Variants in MGAT4C observed in about 807,000 individuals in gnomAD.
MGAT4C encodes the protein alpha-1,3-mannosyl-glycoprotein 4-beta-N-acetylglucosaminyltransferase C.
A neutral mutation model predicts 40.1 loss-of-function variants in MGAT4C; 19 were observed. The ratio of observed to expected loss-of-function variants is 0.47; its 90% confidence interval spans 0.33 to 0.70. The LOEUF is 0.70. Among genes scored for constraint, MGAT4C ranks in the 30% least tolerant of loss-of-function variants. The pLI, the probability that MGAT4C is intolerant of heterozygous loss-of-function variation, is 0.02. For missense variants in MGAT4C, 491 were observed against 563.2 expected (o/e 0.87, Z 1.30); for synonymous variants, 181 against 187.1 (o/e 0.97, Z 0.27).
At chr12:86,150,195 G>A (rs188498751) in intron 1 of MGAT4C, among the ~76,000 whole-genome samples, 9 of 152,212 alleles carry the variant, frequency 5.9e-5, no homozygotes, top group Admixed American at 1.3e-4. Context: ...TAACGCCCCC[G>A]CTGATCTTAC....
At chr12:86,836,881 GCTTT>G (rs1213004984) in intron 1 of MGAT4C, among the ~76,000 whole-genome samples, 2 of 152,034 alleles carry the variant, frequency 1.3e-5, no homozygotes, top group African/African-American at 4.8e-5. Flanking sequence ...TCCCTGAAAT[GCTTT>G]CTTTTTTTCC....
At chr12:86,333,237 A>G (rs1954711748) in intron 4 of MGAT4C, among the ~76,000 whole-genome samples, 2 of 152,162 alleles carry the variant, frequency 1.3e-5, no homozygotes, top group South Asian at 4.1e-4. Context: ...AGATTCTCAC[A>G]AAGCAAACAG....
intron 2 of MGAT4C, among the ~76,000 whole-genome samples, chr12:86,506,448 C>T (rs894258245): frequency 6.6e-6 from 1 of 152,086 alleles, no homozygotes; most frequent in Non-Finnish European, 1.5e-5. Context: ...AAAGAATGTC[C>T]TGGGACCCAC....
intron 2 of MGAT4C, among the ~76,000 whole-genome samples, chr12:86,042,843 G>A (rs1033146287): frequency 6.9e-6 from 1 of 145,608 alleles, no homozygotes; most frequent in Non-Finnish European, 1.5e-5. Context: ...ACTCCAGCCT[G>A]GGCAACAGAG....
intron 4 of MGAT4C, among the ~76,000 whole-genome samples, chr12:86,270,786 G>A (rs1952925991): frequency 6.6e-6 from 1 of 152,146 alleles, no homozygotes; most frequent in African/African-American, 2.4e-5. Flanking sequence ...TACATTACAA[G>A]GCTATAGTAA....
At chr12:86,443,638 G>C (rs1273958687) in intron 2 of MGAT4C, among the ~76,000 whole-genome samples, 1 of 152,256 alleles carries the variant, frequency 6.6e-6, no homozygotes, top group South Asian at 2.1e-4. Flanking sequence ...GTGTCACCCA[G>C]GCTGGAGTGC....
intron 3 of MGAT4C, among the ~76,000 whole-genome samples, chr12:86,432,873 A>G (rs765595427): frequency 6.6e-6 from 1 of 152,150 alleles, no homozygotes; most frequent in Admixed American, 6.6e-5. Flanking sequence ...TGTAAACTTT[A>G]TAATATTTCC....
Position 86,784,439 on chromosome 12 carries a change from T to C in MGAT4C, c.-262+54227A>G, listed in dbSNP as rs955736082. Among the ~76,000 whole-genome samples, 7 of 152,136 alleles carry C rather than the reference T, an allele frequency of 4.6e-5. No individual in the cohort carries two copies. In the East Asian group the frequency reaches 7.7e-4, roughly 17 times the overall value. ...AAAATTGGCAAGCAAAAAGGGAATG[T>C]CATGTATTACTTCATAAAGTTTACA... On this transcript the variant is annotated intron_variant, in intron 1 of 7. Transcript: ENST00000548651.
chr12:86,388,663 T>G (rs1025006982), intron 3 of MGAT4C, among the ~76,000 whole-genome samples: 1 of 150,208 alleles, frequency 6.7e-6, no homozygotes, highest in African/African-American at 2.5e-5. Flanking sequence ...AATAAACACT[T>G]CAGCGTTTTT....
intron 1 of MGAT4C, among the ~76,000 whole-genome samples, chr12:86,224,705 G>A (rs557078353): frequency 6.6e-6 from 1 of 152,208 alleles, no homozygotes; most frequent in East Asian, 1.9e-4. Context: ...AACAATCACT[G>A]GGTTAATAAA....
chr12:86,110,180 T>G (rs569304417), intron 1 of MGAT4C, among the ~76,000 whole-genome samples: 1 of 141,838 alleles, frequency 7.1e-6, no homozygotes, highest in East Asian at 2.1e-4. Context: ...GATTAGTATC[T>G]AAATAATAGT....
At chr12:86,486,439 T>G (rs1308165252) in intron 2 of MGAT4C, among the ~76,000 whole-genome samples, 1 of 150,234 alleles carries the variant, frequency 6.7e-6, no homozygotes, top group Non-Finnish European at 1.5e-5. Context: ...TGAGTTACTA[T>G]TCTTACAAGA....
intron 1 of MGAT4C, among the ~76,000 whole-genome samples, chr12:86,100,988 A>G (rs1037451105): frequency 1.3e-5 from 2 of 151,758 alleles, no homozygotes; most frequent in Admixed American, 1.3e-4. Flanking sequence ...ACATTGATAA[A>G]GCGATAACTA....
At chr12:86,611,055 T>C (rs528360220) in intron 2 of MGAT4C, among the ~76,000 whole-genome samples, 1 of 151,576 alleles carries the variant, frequency 6.6e-6, no homozygotes, top group East Asian at 2.0e-4. Flanking sequence ...GTGTATAGTC[T>C]CGGTGTGAAC....
intron 1 of MGAT4C, among the ~76,000 whole-genome samples, chr12:86,098,651 T>A (rs1453030263): frequency 6.6e-6 from 1 of 151,650 alleles, no homozygotes. Context: ...CCTTGATCAC[T>A]AATTTCTCCA....
At chr12:86,354,497 C>T (rs769681438) in intron 3 of MGAT4C, among the ~76,000 whole-genome samples, 1 of 151,666 alleles carries the variant, frequency 6.6e-6, no homozygotes, top group Non-Finnish European at 1.5e-5. Flanking sequence ...GGCAAAAGCC[C>T]TTGAAATGAA....
chr12:86,363,191 C>T (rs1955520526), intron 3 of MGAT4C, among the ~76,000 whole-genome samples: 2 of 151,434 alleles, frequency 1.3e-5, no homozygotes, highest in Non-Finnish European at 2.9e-5. Context: ...AAAATTATAC[C>T]CAACAGTTGC....
At chr12:86,429,059 T>C (rs1422841609) in intron 3 of MGAT4C, among the ~76,000 whole-genome samples, 1 of 152,124 alleles carries the variant, frequency 6.6e-6, no homozygotes, top group Non-Finnish European at 1.5e-5. Flanking sequence ...TGTGGTTTAT[T>C]TGAGATCTTT....
At chr12:86,408,467 CTCTCTCTCTCTCTATATA>C (rs1337999463) in intron 3 of MGAT4C, among the ~76,000 whole-genome samples, 3 of 108,076 alleles carry the variant, frequency 2.8e-5, no homozygotes, top group South Asian at 3.2e-4. Context: ...CTCTCTCTCT[CTCTCTCTCTCTCTATATA>C]TATATATATA....
Sources: gnomAD v4.1 joint callset for allele counts (sites outside exome capture counted in the v4.1 genomes callset) on GRCh38, gnomAD v4.1.1 for gene constraint, MANE v1.5 for transcripts, NCBI Gene and HGNC (gene_info 2026-07-23, HGNC 2026-07-21) for gene names.